The following NALF1 variants were observed in gnomAD, a reference collection of about 807,000 sequenced individuals.
NALF1 encodes the protein NALCN channel auxiliary factor 1.
A neutral mutation model predicts 48.4 loss-of-function variants in NALF1; 3 were observed. The ratio of observed to expected loss-of-function variants is 0.06; its 90% CI spans 0.03 to 0.16. The LOEUF (loss-of-function observed/expected upper bound fraction) is 0.16. Among genes scored for constraint, NALF1 ranks in the 10% least tolerant of loss-of-function variants. The probability of loss-of-function intolerance (pLI) is 1.00; values close to 1 mark genes in which losing one functional copy is unlikely to be tolerated. For missense variants in NALF1, 526 were observed against 571.5 expected (o/e 0.92, Z 0.81); for synonymous variants, 262 against 245.7 (o/e 1.07, Z -0.62).
intron 1 of NALF1, among the ~76,000 whole-genome samples, chr13:107,232,291 G>A (rs945802270): frequency 6.6e-6 from 1 of 152,206 alleles, no homozygotes; most frequent in Non-Finnish European, 1.5e-5. Flanking sequence ...GAACAATGGA[G>A]CGAACCGGTA....
chr13:107,565,942 G>A (rs1877797252), intron 1 of NALF1, among the ~76,000 whole-genome samples: 1 of 152,168 alleles, frequency 6.6e-6, no homozygotes, highest in East Asian at 1.9e-4. Context: ...GAAACGAAAT[G>A]TTCCCAGTCC....
rs1566470724 is a variant in NALF1, at chr13:107,271,801, TATATATATA to T, written c.916-61055_916-61047del. Reference sequence around the variant, plus strand: ...ATATATATATATATATATATATATATATATATATATATATATTTATATATTTATATATAC... The same window carrying T: ...ATATATATATATATATATATATATATTATATATTTATATATTTATATATAC... On this transcript the variant is annotated intron_variant, in intron 1 of 2. Transcript: ENST00000375915. Among the ~76,000 whole-genome samples, 151 of 102,322 alleles carry T rather than the reference TATATATATA, an allele frequency of 1.5e-3. 6 individuals are homozygous for T. The highest frequency in any genetic ancestry group is 9.3e-3 in the Middle Eastern group (2 of 216). The allele number at this position is 102,322 out of a possible 152,430, so 67.1% of individuals were successfully genotyped here.
At chr13:107,782,571 C>T (rs557391004) in intron 1 of NALF1, among the ~76,000 whole-genome samples, 1 of 151,334 alleles carries the variant, frequency 6.6e-6, no homozygotes, top group Non-Finnish European at 1.5e-5. Flanking sequence ...AAGTGAGGAG[C>T]GTCTCTGCCC....
At chr13:107,666,961 T>C (rs1315465705) in intron 1 of NALF1, among the ~76,000 whole-genome samples, 1 of 152,140 alleles carries the variant, frequency 6.6e-6, no homozygotes, top group African/African-American at 2.4e-5. Flanking sequence ...TGAGTTTCTT[T>C]TAGTGAAAAA....
chr13:107,489,419 T>C (rs1479557533), intron 1 of NALF1, among the ~76,000 whole-genome samples: 2 of 152,048 alleles, frequency 1.3e-5, no homozygotes, highest in Admixed American at 6.6e-5. Context: ...GGTACTCGTA[T>C]AAAAACAGAC....
chr13:107,310,234 A>G (rs1209416155), intron 1 of NALF1, among the ~76,000 whole-genome samples: 1 of 152,022 alleles, frequency 6.6e-6, no homozygotes, highest in Admixed American at 6.6e-5. Context: ...ACATGGTGAA[A>G]CCCTGTCTCT....
intron 1 of NALF1, among the ~76,000 whole-genome samples, chr13:107,841,757 T>C (rs1402051767): frequency 1.3e-5 from 2 of 152,132 alleles, no homozygotes; most frequent in Non-Finnish European, 2.9e-5. Flanking sequence ...GGAAAGCATA[T>C]TGTTTAAATA....
intron 1 of NALF1, among the ~76,000 whole-genome samples, chr13:107,844,305 A>T (rs1250499524): frequency 6.6e-6 from 1 of 152,168 alleles, no homozygotes; most frequent in Non-Finnish European, 1.5e-5. Flanking sequence ...AAGAAAACTA[A>T]TAATAAAAAA....
At chr13:107,535,649 G>C (rs1876781365) in intron 1 of NALF1, among the ~76,000 whole-genome samples, 1 of 152,112 alleles carries the variant, frequency 6.6e-6, no homozygotes, top group Non-Finnish European at 1.5e-5. Context: ...TGGCCGTACT[G>C]CCCAAGGTAA....
intron 1 of NALF1, among the ~76,000 whole-genome samples, chr13:107,718,658 G>A (rs1875893336): frequency 6.6e-6 from 1 of 152,190 alleles, no homozygotes. Flanking sequence ...AAAGAACACA[G>A]TCTTTGAAGC....
intron 1 of NALF1, among the ~76,000 whole-genome samples, chr13:107,238,642 G>C (rs138523251): frequency 7.9e-5 from 12 of 152,332 alleles, no homozygotes; most frequent in Admixed American, 3.9e-4. Flanking sequence ...AGGAAATTAA[G>C]AAGAAAAGGG....
chr13:107,426,450 C>T (rs1884282938), intron 1 of NALF1, among the ~76,000 whole-genome samples: 1 of 152,196 alleles, frequency 6.6e-6, no homozygotes, highest in Non-Finnish European at 1.5e-5. Context: ...TTTGAACCTT[C>T]ATATGACTGC....
At chr13:107,740,064 T>C (rs1286097975) in intron 1 of NALF1, among the ~76,000 whole-genome samples, 1 of 152,162 alleles carries the variant, frequency 6.6e-6, no homozygotes, top group Admixed American at 6.5e-5. Flanking sequence ...TGTAATCCAC[T>C]TGAATCATCC....
chr13:107,627,045 G>A (rs1200671273), intron 1 of NALF1, among the ~76,000 whole-genome samples: 1 of 152,060 alleles, frequency 6.6e-6, no homozygotes, highest in Admixed American at 6.6e-5. Flanking sequence ...TCTCCAAGTT[G>A]AGTCAATTTC....
At chr13:107,599,460 G>T (rs1287237706) in intron 1 of NALF1, among the ~76,000 whole-genome samples, 2 of 151,468 alleles carry the variant, frequency 1.3e-5, no homozygotes, top group Admixed American at 1.3e-4. Flanking sequence ...AGGGTATGGT[G>T]TATCCAATCT....
intron 1 of NALF1, among the ~76,000 whole-genome samples, chr13:107,459,913 T>C (rs887934056): frequency 6.6e-6 from 1 of 151,982 alleles, no homozygotes; most frequent in Non-Finnish European, 1.5e-5. Flanking sequence ...AGCTAATTTT[T>C]GTATTCTTTG....
intron 1 of NALF1, among the ~76,000 whole-genome samples, chr13:107,720,835 G>T (rs1762398603): frequency 6.6e-6 from 1 of 152,158 alleles, no homozygotes; most frequent in Non-Finnish European, 1.5e-5. Context: ...ATAAACACAG[G>T]TTGAAACACA....
intron 1 of NALF1, among the ~76,000 whole-genome samples, chr13:107,319,525 A>G (rs574910371): frequency 3.3e-5 from 5 of 152,230 alleles, no homozygotes; most frequent in African/African-American, 1.2e-4. Context: ...TTAATTAGAT[A>G]TGAGAAGAAA....
intron 1 of NALF1, among the ~76,000 whole-genome samples, chr13:107,306,431 A>T (rs1409261200): frequency 6.6e-6 from 1 of 152,140 alleles, no homozygotes; most frequent in East Asian, 1.9e-4. Flanking sequence ...ATTATTTGGT[A>T]TCAGTGATGA....
Sources: allele counts gnomAD v4.1 joint callset (sites outside exome capture counted in the v4.1 genomes callset), GRCh38; gene constraint gnomAD v4.1.1; transcripts MANE v1.5; gene names NCBI Gene and HGNC (gene_info 2026-07-23, HGNC 2026-07-21).